ARHGEF1: variants seen among roughly 807,000 people sequenced by gnomAD.
ARHGEF1 encodes the protein Rho guanine nucleotide exchange factor 1.
ARHGEF1 carries 40 observed loss-of-function variants against 119.7 expected under a neutral mutation model. The observed-to-expected ratio is 0.33, with a 90% CI of 0.26 to 0.44. The LOEUF (loss-of-function observed/expected upper bound fraction) is 0.44. Ranked by LOEUF, ARHGEF1 falls within the 20% of genes least tolerant of loss-of-function variation. The probability of loss-of-function intolerance (pLI) is 1.00; values close to 1 mark genes in which losing one functional copy is unlikely to be tolerated. For synonymous variants in ARHGEF1, 494 were observed against 521.0 expected (o/e 0.95, Z 0.71); for missense variants, 976 against 1,268.3 (o/e 0.77, Z 3.50).
rs1555850019 is a variant in ARHGEF1, at chr19:41,905,730, G to C, written c.2337-30G>C. 3 of 1,613,058 alleles carry C rather than the reference G, an allele frequency of 1.9e-6. No homozygotes were observed. The East Asian group carries it at 6.7e-5, about 36-fold the overall frequency. ...CCTGCGGCCCCCCAGGGCCAGGGGT[G>C]TGGGGTCACCCAGCACTTCCTCCCC... On this transcript the variant is annotated intron_variant, in intron 24 of 28. Transcript: ENST00000354532. This position sits in a 1 kb window ranked among gnomAD's most constrained non-coding sequence, Gnocchi z 6.4.
chr19:41,919,454 A>G (rs2074824459), upstream of ARHGEF1, among the ~76,000 whole-genome samples: 1 of 151,710 alleles, frequency 6.6e-6, no homozygotes, highest in Non-Finnish European at 1.5e-5. Context: ...ATGAACCAAC[A>G]CTCAAGCTGG....
At position 41,896,460 on chromosome 19, in the gene ARHGEF1, G is replaced by A. The variant is rs1555847641; in HGVS notation, c.1099G>A (p.Asp367Asn). The A allele has an allele frequency of 6.7e-6, 10 of 1,488,164 alleles. No individual in the cohort carries two copies. The South Asian group carries it at 8.4e-5, about 13-fold the overall frequency. The allele number at this position is 1,488,164 out of a possible 1,614,324, so 92.2% of individuals were successfully genotyped here. A position where few individuals can be genotyped will look rare whatever the true frequency, so the allele number is the denominator to read the frequency against. The change falls in exon 13 of 29, where the codon GAC (aspartate) becomes AAC (asparagine). Residue 367 changes from aspartate to asparagine, a missense_variant. Around this residue, in one of 3 missense-constraint regions of ARHGEF1, gnomAD observed 519 missense variants for 580.9 expected, o/e 0.89. Transcript: ENST00000354532. ...GTCCTTGGCGCCCCCAGAGAGTACC[G>A]ACGAGGGGGCCGAAACCGAGAGGTG... ...LESLAPPEST[D>N]EGAETESPEP...
At position 41,907,204 on chromosome 19, in the gene ARHGEF1, G is replaced by A; in HGVS notation, c.*117G>A. On this transcript the variant is annotated 3_prime_UTR_variant, in exon 29 of 29. Transcript: ENST00000354532. Reference sequence around the variant, plus strand: ...CTCACACCCCGAGGGCCTGAGGAGAGGGAGCTGTGGGCCACGCCTGGGAGG... The same window carrying A: ...CTCACACCCCGAGGGCCTGAGGAGAAGGAGCTGTGGGCCACGCCTGGGAGG... The A allele has an allele frequency of 6.6e-7, 1 of 1,518,882 alleles. No individual in the cohort carries two copies. 94.1% of individuals were successfully genotyped at this position (1,518,882 alleles called of 1,614,324 possible).
At chr19:41,895,559 A>C (rs1599644888) in intron 12 of ARHGEF1, 73 bp downstream of exon 12, 3 of 1,476,168 alleles carry the variant, frequency 2.0e-6, no homozygotes. Flanking sequence ...CCCCCTTGGC[A>C]CCCCCAGATA....
At chr19:41,897,100 A>G (rs781901323) in intron 13 of ARHGEF1, 1 of 85,400 alleles carries the variant, frequency 1.2e-5, no homozygotes, top group Non-Finnish European at 2.2e-5. Context: ...CCTGCCCCCC[A>G]CCCCCCGCCT....
upstream of ARHGEF1, among the ~76,000 whole-genome samples, chr19:41,922,612 A>T (rs2145907643): frequency 6.7e-6 from 1 of 150,040 alleles, no homozygotes; most frequent in South Asian, 2.1e-4. Flanking sequence ...CCGAGGGACG[A>T]GGGACCAGAG....
At chr19:41,884,916 A>G (rs2074270752) in intron 1 of ARHGEF1, among the ~76,000 whole-genome samples, 1 of 152,140 alleles carries the variant, frequency 6.6e-6, no homozygotes, top group Non-Finnish European at 1.5e-5. Context: ...TGTGTGTCAA[A>G]TAGAATCTGG....
At position 41,904,154 on chromosome 19, in the gene ARHGEF1, G is replaced by T; in HGVS notation, c.1993+44G>T. 1 of 1,613,576 alleles carries T rather than the reference G, an allele frequency of 6.2e-7. No homozygotes were observed. Among genetic ancestry groups the T allele is most frequent in the Non-Finnish European group, 8.5e-7 (1 of 1,179,516 alleles). ...GCCTAGTGCAGGGTGTTGGGGCAGT[G>T]AGCCAAGGGCGGGGAGGGGGTCGCG... is the stretch of plus-strand genomic sequence containing the variant. On this transcript the variant is annotated intron_variant, in intron 21 of 28. Transcript: ENST00000354532. The surrounding 1 kb of genome is among the most constrained non-coding windows in gnomAD (Gnocchi z 8.4).
Position 41,905,886 on chromosome 19 carries a change from C to G in ARHGEF1, c.2405-53C>G. The G allele has an allele frequency of 6.2e-7, 1 of 1,612,914 alleles. No homozygotes were observed. Among genetic ancestry groups the G allele is most frequent in the South Asian group, 1.1e-5 (1 of 91,078 alleles). ...GTTGGGGCTGCCGGGTGAAGAGAGG[C>G]ATCCACAGGAGGCCCGGCAGGATCT... is the stretch of plus-strand genomic sequence containing the variant. On this transcript the variant is annotated intron_variant, in intron 25 of 28. Coordinates refer to ENST00000354532, the MANE Select transcript of ARHGEF1 (RefSeq NM_004706.4). This position sits in a 1 kb window ranked among gnomAD's most constrained non-coding sequence, Gnocchi z 6.4.
In ARHGEF1 at chr19:41,888,003, A is replaced by G; in HGVS notation, c.-19-61A>G. 6.4e-7 allele frequency: 1 copy of G among 1,557,604 alleles called. No homozygotes were observed. Among genetic ancestry groups the G allele is most frequent in the Non-Finnish European group, 8.7e-7 (1 of 1,150,472 alleles). On this transcript the variant is annotated intron_variant, in intron 1 of 28. Transcript: ENST00000354532. The surrounding 1 kb of genome is among the most constrained non-coding windows in gnomAD (Gnocchi z 5.1). Reference sequence around the variant, plus strand: ...TTCACACCTGGGCCAGGAATCTGTGAGTAACCACCCTGGGCCGCCTCCTCC... The same window carrying G: ...TTCACACCTGGGCCAGGAATCTGTGGGTAACCACCCTGGGCCGCCTCCTCC...
At position 41,893,335 on chromosome 19, in the gene ARHGEF1, T is replaced by G. The variant is rs781928558; in HGVS notation, c.644+32T>G. 7 of 1,540,404 alleles carry G rather than the reference T, an allele frequency of 4.5e-6. No homozygotes were observed. The Admixed American group carries it at 1.3e-4, about 29-fold the overall frequency. ...GGGGCAGGGGAGGCGTGCGGCCTCC[T>G]GGGTTTGAGGGAGGAGGGGGCTGAG... On this transcript the variant is annotated intron_variant, in intron 8 of 28. Coordinates refer to ENST00000354532, the MANE Select transcript of ARHGEF1 (RefSeq NM_004706.4).
In ARHGEF1 at chr19:41,905,678, C is replaced by A; in HGVS notation, c.2337-82C>A. 6.8e-7 allele frequency: 1 copy of A among 1,466,712 alleles called. No individual in the cohort carries two copies. 90.9% of individuals were successfully genotyped at this position (1,466,712 alleles called of 1,614,324 possible). On this transcript the variant is annotated intron_variant, in intron 24 of 28. Coordinates refer to ENST00000354532, the MANE Select transcript of ARHGEF1 (RefSeq NM_004706.4). This position sits in a 1 kb window ranked among gnomAD's most constrained non-coding sequence, Gnocchi z 6.4. ...TCTGTCTCCGGACCTCCCTGCCTCCCCACCTCCAGCTCTCTGTCTCCCTGC... is the reference window on the plus strand; with the variant it reads ...TCTGTCTCCGGACCTCCCTGCCTCCACACCTCCAGCTCTCTGTCTCCCTGC...
At chr19:41,919,712 G>A (rs1275148737), upstream of ARHGEF1, among the ~76,000 whole-genome samples, 1 of 152,040 alleles carries the variant, frequency 6.6e-6, no homozygotes, top group Non-Finnish European at 1.5e-5. Context: ...CAGCTGCCGG[G>A]GTCCTCTCAG....
In ARHGEF1 at chr19:41,894,237, C is replaced by T; in HGVS notation, c.675C>T (p.Tyr225=). ...SAAVVNAIGL[Y]MRHLGVRTKS... ...CCGTGGTCAACGCCATTGGCCTGTA[C>T]ATGCGCCACCTTGGGGTGCGGACCA... is the stretch of plus-strand genomic sequence containing the variant. Residue 225 remains tyrosine (Y), a synonymous_variant, in exon 9 of 29, where the codon TAC becomes TAT. Transcript: ENST00000354532. 1 of 1,557,908 alleles carries T rather than the reference C, an allele frequency of 6.4e-7. No individual in the cohort carries two copies. Among genetic ancestry groups the T allele is most frequent in the African/African-American group, 1.4e-5 (1 of 72,804 alleles).
At chr19:41,920,423 A>G (rs113007558), upstream of ARHGEF1, among the ~76,000 whole-genome samples, 3,970 of 133,344 alleles carry the variant, frequency 0.03, 180 homozygotes, top group African/African-American at 0.1. Context: ...GACATGACAC[A>G]CTCACAGACA....
At chr19:41,922,911 C>T (rs545333125), upstream of ARHGEF1, among the ~76,000 whole-genome samples, 4 of 152,310 alleles carry the variant, frequency 2.6e-5, no homozygotes, top group East Asian at 5.8e-4. Context: ...CAGGCCTGGG[C>T]TGGAGGGGAT....
chr19:41,911,029 T>C (rs1360916784), downstream of ARHGEF1, among the ~76,000 whole-genome samples: 1 of 152,116 alleles, frequency 6.6e-6, no homozygotes, highest in African/African-American at 2.4e-5. Flanking sequence ...CACTGTACGA[T>C]GGAGACGGTG....
chr19:41,913,103 CCCCAGCCGTT>C (rs1223422181), intron 18 of ARHGEF1, among the ~76,000 whole-genome samples: 1 of 151,974 alleles, frequency 6.6e-6, no homozygotes, highest in Non-Finnish European at 1.5e-5. Flanking sequence ...ACCGCTCTGT[CCCCAGCCGTT>C]CCCGGCCCCG....
chr19:41,913,828 C>T (rs1184234326), intron 18 of ARHGEF1, among the ~76,000 whole-genome samples: 1 of 150,966 alleles, frequency 6.6e-6, no homozygotes, highest in African/African-American at 2.4e-5. Flanking sequence ...CAATCCACTC[C>T]CTCTCACACC....
Sources: allele counts gnomAD v4.1 joint callset (sites outside exome capture counted in the v4.1 genomes callset), GRCh38; gene constraint gnomAD v4.1.1; regional missense constraint gnomAD v4.1.1; non-coding constraint Gnocchi (gnomAD v3.1); transcripts MANE v1.5; gene names NCBI Gene and HGNC (gene_info 2026-07-23, HGNC 2026-07-21).